Variants in BANP observed in about 807,000 individuals in gnomAD.
BANP encodes the protein BTG3 associated nuclear protein.
A neutral mutation model predicts 68.1 loss-of-function variants in BANP; 11 were observed. That is an observed-to-expected ratio of 0.16 (90% CI 0.10 to 0.27). The LOEUF (loss-of-function observed/expected upper bound fraction) is 0.27, where lower values mean the gene tolerates loss of function less well. BANP is among the 10% of genes least tolerant of loss of function. The probability of loss-of-function intolerance (pLI) is 1.00; values close to 1 mark genes in which losing one functional copy is unlikely to be tolerated. For missense variants in BANP, 504 were observed against 722.7 expected (o/e 0.70, Z 3.47); for synonymous variants, 329 against 303.2 (o/e 1.09, Z -0.88).
At chr16:88,033,283 G>A (rs376449410) in intron 9 of BANP, 38 bp downstream of exon 9, 4 of 1,501,780 alleles carry the variant, frequency 2.7e-6, no homozygotes, top group African/African-American at 2.7e-5. Context: ...GGGAAAGGGG[G>A]CTGCGGGGTG....
chr16:88,046,196 G>C (rs1347594841), intron 11 of BANP, among the ~76,000 whole-genome samples: 1 of 152,226 alleles, frequency 6.6e-6, no homozygotes, highest in Non-Finnish European at 1.5e-5. Context: ...TGACGCGGAG[G>C]TGGGCCTTTC....
At position 88,051,943 on chromosome 16, in the gene BANP, G is replaced by C. The variant is rs74040283; in HGVS notation, c.1312-13324G>C. On this transcript the variant is annotated intron_variant, in intron 11 of 13. Coordinates refer to ENST00000682872, the MANE Select transcript of BANP (RefSeq NM_001386991.1). The stretch of plus-strand genomic sequence containing the variant: ...GAGGAGTTTAAGAAAATAAAGTGAA[G>C]ACCTAAACATTTCCTCACATGACCA... Among the ~76,000 whole-genome samples the C allele has an allele frequency of 1.6e-3, 243 of 152,206 alleles. 1 individual carries two copies. Among genetic ancestry groups the C allele is most frequent in the African/African-American group, 5.6e-3 (233 of 41,512 alleles).
chr16:88,042,735 T>C (rs1598786522), intron 11 of BANP, among the ~76,000 whole-genome samples: 1 of 150,904 alleles, frequency 6.6e-6, no homozygotes, highest in East Asian at 2.0e-4. Context: ...CTGGGCAACA[T>C]AGCGAGACCC....
chr16:88,020,966 C>T (rs1567778794), intron 7 of BANP, among the ~76,000 whole-genome samples: 2 of 152,132 alleles, frequency 1.3e-5, no homozygotes, highest in South Asian at 4.1e-4. Context: ...CCATGTAGGG[C>T]GGTGGAAGGC....
rs2079477507 is a variant in BANP at position 88,036,797 on chromosome 16, A to G, written c.1273-1176A>G. ...AGGTAGGGGACGGTCCCAGGAGGCC[A>G]GAGTGTCCAGGAAGGAGCAGGGCCT... On this transcript the variant is annotated intron_variant, in intron 10 of 13. Coordinates refer to ENST00000682872, the MANE Select transcript of BANP (RefSeq NM_001386991.1). This position sits in a 1 kb window ranked among gnomAD's most constrained non-coding sequence, Gnocchi z 4.2. 6.6e-6 allele frequency among the ~76,000 whole-genome samples: 1 copy of G among 152,170 alleles called. No individual in the cohort carries two copies.
chr16:87,981,887 G>T (rs145782901), intron 3 of BANP, among the ~76,000 whole-genome samples: 1 of 152,350 alleles, frequency 6.6e-6, no homozygotes, highest in African/African-American at 2.4e-5. Context: ...TTGCTTGGTT[G>T]GTTCCAGTGT....
chr16:88,038,850 A>C (rs2080071416), intron 11 of BANP, among the ~76,000 whole-genome samples: 1 of 152,204 alleles, frequency 6.6e-6, no homozygotes, highest in Non-Finnish European at 1.5e-5. Flanking sequence ...TTCCCATTTC[A>C]TAAAACAGAA....
intron 7 of BANP, among the ~76,000 whole-genome samples, chr16:88,019,669 A>G (rs186771537): frequency 1.7e-4 from 6 of 35,112 alleles, no homozygotes; most frequent in South Asian, 1.4e-3. Flanking sequence ...CCGGGATCTC[A>G]GCGTGCGGGG....
rs2079519311 is a variant in BANP at position 88,036,952 on chromosome 16, C to T, written c.1273-1021C>T. On this transcript the variant is annotated intron_variant, in intron 10 of 13. Coordinates refer to ENST00000682872, the MANE Select transcript of BANP (RefSeq NM_001386991.1). The surrounding 1 kb of genome is among the most constrained non-coding windows in gnomAD (Gnocchi z 4.2). ...GTGGCTGCGAGGTGCAGGATCCCAGCAGCACCTTCCAGTGCAGGAGCTGCC... is the reference window on the plus strand; with the variant it reads ...GTGGCTGCGAGGTGCAGGATCCCAGTAGCACCTTCCAGTGCAGGAGCTGCC... 6.6e-6 allele frequency among the ~76,000 whole-genome samples: 1 copy of T among 152,176 alleles called. No individual in the cohort carries two copies. The highest frequency in any genetic ancestry group is 6.5e-5 in the Admixed American group (1 of 15,280).
At chr16:87,996,314 G>A (rs1331991147) in intron 4 of BANP, among the ~76,000 whole-genome samples, 1 of 152,216 alleles carries the variant, frequency 6.6e-6, no homozygotes, top group Non-Finnish European at 1.5e-5. Context: ...GGCTTCCGAT[G>A]CTAACCTCTG....
At chr16:88,009,753 T>A (rs1367701147) in intron 6 of BANP, among the ~76,000 whole-genome samples, 1 of 151,770 alleles carries the variant, frequency 6.6e-6, no homozygotes, top group African/African-American at 2.4e-5. Context: ...GTAGATTATG[T>A]CTCATTAGAA....
chr16:88,038,719 T>C (rs1265043516), intron 11 of BANP, among the ~76,000 whole-genome samples: 2 of 152,156 alleles, frequency 1.3e-5, no homozygotes, highest in Admixed American at 6.5e-5. Flanking sequence ...AGGGTGTTGC[T>C]GTGCAGGACA....
rs534690040 is a variant in BANP, at chr16:88,057,153, T to C, written c.1312-8114T>C. Among the ~76,000 whole-genome samples, 1 of 152,278 alleles carries C rather than the reference T, an allele frequency of 6.6e-6. No individual in the cohort carries two copies. The highest frequency in any genetic ancestry group is 2.4e-5 in the African/African-American group (1 of 41,544). The stretch of plus-strand genomic sequence containing the variant: ...TGCCGTTGTTGAGCTGTGTCTGCCT[T>C]TTCTGGTGGGCGGGCCTGCCGTGTT... On this transcript the variant is annotated intron_variant, in intron 11 of 13. Transcript: ENST00000682872. The surrounding 1 kb of genome is among the most constrained non-coding windows in gnomAD (Gnocchi z 4.6).
At chr16:87,954,058 TG>T (rs1464131507) in intron 1 of BANP, among the ~76,000 whole-genome samples, 1 of 152,178 alleles carries the variant, frequency 6.6e-6, no homozygotes, top group Non-Finnish European at 1.5e-5. Context: ...CCTTCAGCTC[TG>T]GGAAGTTCCC....
intron 4 of BANP, among the ~76,000 whole-genome samples, chr16:87,999,892 C>T: frequency 1.2e-5 from 1 of 80,414 alleles, no homozygotes; most frequent in Admixed American, 1.3e-4. Flanking sequence ...ACTTACCTGT[C>T]CTTCCAGACA....
chr16:87,968,173 G>T (rs893225160), intron 1 of BANP, among the ~76,000 whole-genome samples: 1 of 151,780 alleles, frequency 6.6e-6, no homozygotes, highest in Non-Finnish European at 1.5e-5. Context: ...TTTGACTGAA[G>T]ACTACTGGTT....
rs897657202 is a variant in BANP, at chr16:88,073,537, G to T, written c.1521+1325G>T. ...ACGGTGAGGGCCATGGGCGCAGAACGCACAGGCAGTGAGGAGCGGGTGGGT... is the reference window on the plus strand; with the variant it reads ...ACGGTGAGGGCCATGGGCGCAGAACTCACAGGCAGTGAGGAGCGGGTGGGT... On this transcript the variant is annotated intron_variant, in intron 13 of 13. Coordinates refer to ENST00000682872, the MANE Select transcript of BANP (RefSeq NM_001386991.1). Among the ~76,000 whole-genome samples, 3 of 147,924 alleles carry T rather than the reference G, an allele frequency of 2.0e-5. No individual in the cohort carries two copies. In the South Asian group the frequency reaches 6.6e-4, roughly 32 times the overall value.
At chr16:87,959,546 C>T (rs1413145110) in intron 1 of BANP, among the ~76,000 whole-genome samples, 5 of 152,222 alleles carry the variant, frequency 3.3e-5, no homozygotes, top group South Asian at 2.1e-4. Context: ...GCAGGCTCTC[C>T]GGGGAGGAGG....
intron 3 of BANP, among the ~76,000 whole-genome samples, chr16:87,983,667 C>T (rs2063735315): frequency 6.6e-6 from 1 of 151,828 alleles, no homozygotes; most frequent in Non-Finnish European, 1.5e-5. Context: ...TGTGCGTGGC[C>T]TGTGGCTTTT....
Sources: gnomAD v4.1 joint callset for allele counts (sites outside exome capture counted in the v4.1 genomes callset) on GRCh38, gnomAD v4.1.1 for gene constraint, Gnocchi (gnomAD v3.1) non-coding constraint, MANE v1.5 for transcripts, NCBI Gene and HGNC (gene_info 2026-07-23, HGNC 2026-07-21) for gene names.